NRG1: variants seen among roughly 807,000 people sequenced by gnomAD.
NRG1 encodes the protein pro-neuregulin-1, membrane-bound isoform.
In NRG1, 18 loss-of-function variants were observed where a neutral mutation model predicts 63.8. That is an observed-to-expected ratio of 0.28 (90% CI 0.19 to 0.42). The LOEUF (loss-of-function observed/expected upper bound fraction) is 0.42. Among genes scored for constraint, NRG1 ranks in the 10% least tolerant of loss-of-function variants. NRG1 has a pLI of 1.00. For synonymous variants in NRG1, 302 were observed against 301.3 expected (o/e 1.00, Z -0.02); for missense variants, 762 against 814.7 (o/e 0.94, Z 0.79).
chr8:32,106,520 C>T (rs906843286), intron 1 of NRG1, among the ~76,000 whole-genome samples: 4 of 152,150 alleles, frequency 2.6e-5, no homozygotes, highest in Non-Finnish European at 5.9e-5. Context: ...AAGAAAAGCC[C>T]ATACAGTTGG....
intron 1 of NRG1, among the ~76,000 whole-genome samples, chr8:31,663,094 C>A (rs1378188610): frequency 6.6e-6 from 1 of 152,128 alleles, no homozygotes; most frequent in Non-Finnish European, 1.5e-5. Flanking sequence ...AATGGGACAC[C>A]AGGGGTCTGT....
At chr8:31,749,834 A>T (rs928267884) in intron 1 of NRG1, among the ~76,000 whole-genome samples, 2 of 150,850 alleles carry the variant, frequency 1.3e-5, no homozygotes, top group African/African-American at 2.4e-5. Context: ...GCTTGTTTAT[A>T]CTCTTTTGCA....
At chr8:32,417,831 G>A (rs1033551813) in intron 1 of NRG1, among the ~76,000 whole-genome samples, 4 of 152,070 alleles carry the variant, frequency 2.6e-5, no homozygotes, top group Admixed American at 1.3e-4. Context: ...ATGCCAGTCC[G>A]CATAGGACTT....
chr8:32,248,940 A>G (rs1848833345), intron 1 of NRG1, among the ~76,000 whole-genome samples: 2 of 152,082 alleles, frequency 1.3e-5, no homozygotes, highest in African/African-American at 2.4e-5. Flanking sequence ...GTGAACTTGA[A>G]TTATTGTCTC....
chr8:31,921,395 C>T lies in NRG1; in HGVS notation c.37+281964C>T, dbSNP rs62510600. On this transcript the variant is annotated intron_variant, in intron 1 of 10. Transcript: ENST00000519301. The stretch of plus-strand genomic sequence containing the variant: ...GTAGGATGCCAAGGAGGTTCTTTTT[C>T]GTAATCACACACAAGCAATGTGGTA... 8.9e-3 allele frequency among the ~76,000 whole-genome samples: 1,357 copies of T among 152,134 alleles called. 20 individuals carry two copies. Among genetic ancestry groups the T allele is most frequent in the Middle Eastern group, 0.02 (6 of 294 alleles).
chr8:32,598,878 A>G (rs552991022), intron 2 of NRG1, among the ~76,000 whole-genome samples: 11 of 152,250 alleles, frequency 7.2e-5, no homozygotes, highest in South Asian at 2.1e-4. Context: ...AAGGTGTTCT[A>G]TTATTTCAAT....
In NRG1 at chr8:32,743,573, CATATATATAT is replaced by C. The variant is rs71879821; in HGVS notation, c.691+854_691+863del. On this transcript the variant is annotated intron_variant, in intron 7 of 11. Transcript: ENST00000356819. ...TATATATATAAAACTTAAGGCAAAA[CATATATATAT>C]ATATATATATATAAAACTTAATAAC... Among the ~76,000 whole-genome samples the C allele has an allele frequency of 3.5e-5, 4 of 113,714 alleles. 1 individual carries two copies. Among genetic ancestry groups the C allele is most frequent in the African/African-American group, 1.4e-4 (4 of 29,352 alleles). The allele number at this position is 113,714 out of a possible 152,430, so 74.6% of individuals were successfully genotyped here.
At chr8:32,570,671 C>A (rs62500218) in intron 1 of NRG1, among the ~76,000 whole-genome samples, 1 of 152,076 alleles carries the variant, frequency 6.6e-6, no homozygotes, top group East Asian at 1.9e-4. Flanking sequence ...CAGTGTATTT[C>A]CCAGCTTCAG....
At chr8:31,701,322 A>G (rs982172320) in intron 1 of NRG1, among the ~76,000 whole-genome samples, 1 of 152,102 alleles carries the variant, frequency 6.6e-6, no homozygotes, top group Non-Finnish European at 1.5e-5. Context: ...CTGTGTGAAC[A>G]TTTCTCACTC....
At chr8:32,305,436 A>G (rs1219433328) in intron 1 of NRG1, among the ~76,000 whole-genome samples, 1 of 152,172 alleles carries the variant, frequency 6.6e-6, no homozygotes, top group Non-Finnish European at 1.5e-5. Flanking sequence ...AAAAAAATAC[A>G]ATCTTCACTT....
At chr8:31,756,016 A>C (rs921156894) in intron 1 of NRG1, among the ~76,000 whole-genome samples, 1 of 152,102 alleles carries the variant, frequency 6.6e-6, no homozygotes, top group African/African-American at 2.4e-5. Flanking sequence ...TTATTTCTAC[A>C]TACCCCTCTG....
intron 1 of NRG1, among the ~76,000 whole-genome samples, chr8:32,327,397 T>A (rs1802140691): frequency 6.6e-6 from 1 of 152,174 alleles, no homozygotes; most frequent in Admixed American, 6.5e-5. Flanking sequence ...GCATCTTGAG[T>A]CTTGGAGTGC....
At chr8:32,605,809 A>C in intron 3 of NRG1, 126 bp downstream of exon 3, 2 of 1,101,016 alleles carry the variant, frequency 1.8e-6, no homozygotes, top group Non-Finnish European at 2.5e-6. Flanking sequence ...GAGAAAGAAA[A>C]CCAGATGTTT....
chr8:32,420,539 CTCTT>C (rs1816578352), intron 1 of NRG1, among the ~76,000 whole-genome samples: 2 of 151,160 alleles, frequency 1.3e-5, no homozygotes, highest in Admixed American at 6.6e-5. Context: ...CTCTCTCTCT[CTCTT>C]TTTTTTTTTT....
chr8:32,771,386 A>C (rs572218185), downstream of NRG1, among the ~76,000 whole-genome samples: 1 of 145,844 alleles, frequency 6.9e-6, no homozygotes, highest in Admixed American at 7.1e-5. Context: ...TCGGCCTCCC[A>C]AAGTGCTGGA....
chr8:32,234,789 C>G (rs1159348510), intron 1 of NRG1, among the ~76,000 whole-genome samples: 1 of 152,158 alleles, frequency 6.6e-6, no homozygotes, highest in East Asian at 1.9e-4. Flanking sequence ...TCATTACTGA[C>G]CAACTGTGTG....
At chr8:31,840,674 C>T (rs1158445803) in intron 1 of NRG1, among the ~76,000 whole-genome samples, 1 of 152,166 alleles carries the variant, frequency 6.6e-6, no homozygotes, top group Non-Finnish European at 1.5e-5. Flanking sequence ...CACACGCACT[C>T]ATGCTCAGAA....
intron 1 of NRG1, among the ~76,000 whole-genome samples, chr8:31,848,915 C>T (rs1204815120): frequency 6.6e-6 from 1 of 152,116 alleles, no homozygotes; most frequent in Non-Finnish European, 1.5e-5. Context: ...ATACATAATG[C>T]ACTTAAATCA....
intron 1 of NRG1, among the ~76,000 whole-genome samples, chr8:32,585,539 T>G (rs1328199027): frequency 6.6e-6 from 1 of 152,232 alleles, no homozygotes; most frequent in Non-Finnish European, 1.5e-5. Flanking sequence ...AAGCCACTTT[T>G]GTTGCTGTAT....
Sources: allele counts gnomAD v4.1 joint callset (sites outside exome capture counted in the v4.1 genomes callset), GRCh38; gene constraint gnomAD v4.1.1; transcripts MANE v1.5; gene names NCBI Gene and HGNC (gene_info 2026-07-23, HGNC 2026-07-21).